Variants in SUPT20H observed in about 807,000 individuals in gnomAD.
The protein encoded by SUPT20H is SPT20 homolog, SAGA complex component, also known as transcription factor SPT20 homolog.
A neutral mutation model predicts 122.8 loss-of-function variants in SUPT20H; 82 were observed. The ratio of observed to expected loss-of-function variants is 0.67; its 90% confidence interval spans 0.56 to 0.80. The LOEUF (loss-of-function observed/expected upper bound fraction) is 0.80. Among genes scored for constraint, SUPT20H ranks in the 30% least tolerant of loss-of-function variants. The probability of loss-of-function intolerance (pLI) is 0.00; values close to 1 mark genes in which losing one functional copy is unlikely to be tolerated. For synonymous variants in SUPT20H, 291 were observed against 313.0 expected, an observed-to-expected ratio of 0.93 and a Z score of 0.74; for missense variants, 831 against 921.6, an observed-to-expected ratio of 0.90 and a Z score of 1.27.
chr13:37,013,634 C>G (rs1336433674), intron 23 of SUPT20H: 1 of 152,002 alleles, frequency 6.6e-6, no homozygotes, highest in South Asian at 2.1e-4. Context: ...ATACTGTTAA[C>G]TTGGACTTCA....
intron 12 of SUPT20H, among the ~76,000 whole-genome samples, chr13:37,030,644 G>C (rs1035208417): frequency 5.3e-5 from 8 of 152,152 alleles, no homozygotes; most frequent in African/African-American, 1.9e-4. Flanking sequence ...TAGCACCTCA[G>C]ACTTGCTGAG....
chr13:37,040,303 T>G, intron 9 of SUPT20H, 102 bp downstream of exon 9: 1 of 1,065,380 alleles, frequency 9.4e-7, no homozygotes, highest in Non-Finnish European at 1.3e-6. Context: ...GCATCAAACT[T>G]AATTATTGAA....
chr13:37,029,279 A>G (rs942300214), intron 13 of SUPT20H, among the ~76,000 whole-genome samples: 9 of 152,362 alleles, frequency 5.9e-5, no homozygotes, highest in African/African-American at 2.2e-4. Flanking sequence ...CTGTAATCCC[A>G]GTACTTTGGG....
intron 1 of SUPT20H, among the ~76,000 whole-genome samples, chr13:37,052,643 C>A (rs1342438227): frequency 2.6e-5 from 4 of 152,158 alleles, no homozygotes; most frequent in Non-Finnish European, 5.9e-5. Flanking sequence ...ATGACTAAAG[C>A]ACCAAAAGCA....
chr13:37,057,874 TGAGGCAA>T (rs1375087253), intron 1 of SUPT20H, among the ~76,000 whole-genome samples: 3 of 149,336 alleles, frequency 2.0e-5, no homozygotes, highest in Non-Finnish European at 4.4e-5. Flanking sequence ...CTCAGGAGGC[TGAGGCAA>T]GAGAATCACT....
intron 2 of SUPT20H, among the ~76,000 whole-genome samples, chr13:37,050,243 A>G (rs929794236): frequency 5.3e-5 from 8 of 149,864 alleles, no homozygotes; most frequent in Non-Finnish European, 3.0e-5. Context: ...AATCTTGGCC[A>G]GGCACTGTGG....
chr13:37,044,131 A>C lies in SUPT20H; in HGVS notation c.343T>G (p.Leu115Val). ...PYEEGELLEY[L>V]DAEELPPILV... The stretch of plus-strand genomic sequence containing the variant: ...ATAGGAGGTAATTCTTCTGCATCCA[A>C]ATATTCAAGCAACTCTCCTTCTTCA... Residue 115 changes from leucine (L) to valine (V), a missense_variant, in exon 7 of 26, where the codon TTG (leucine) becomes GTG (valine). Coordinates refer to ENST00000350612, the MANE Select transcript of SUPT20H (RefSeq NM_001014286.3). 6.2e-7 allele frequency: 1 copy of C among 1,613,214 alleles called. No individual in the cohort carries two copies. Among genetic ancestry groups the C allele is most frequent in the Admixed American group, 1.7e-5 (1 of 59,972 alleles).
chr13:37,022,190 G>A lies in SUPT20H; in HGVS notation c.1592-110C>T. ...ACTGAGTTAACAAAGTGGGCTGAGGGGTGAAGCCTGAATCTTGGGGAGTAG... is the reference window on the plus strand; with the variant it reads ...ACTGAGTTAACAAAGTGGGCTGAGGAGTGAAGCCTGAATCTTGGGGAGTAG... On this transcript the variant is annotated intron_variant, in intron 19 of 25. Coordinates refer to ENST00000350612, the MANE Select transcript of SUPT20H (RefSeq NM_001014286.3). This position sits in a 1 kb window ranked among gnomAD's most constrained non-coding sequence, Gnocchi z 4.5. The A allele has an allele frequency of 6.2e-7, 1 of 1,608,126 alleles. No individual in the cohort carries two copies. Among genetic ancestry groups the A allele is most frequent in the Non-Finnish European group, 8.5e-7 (1 of 1,176,912 alleles).
At chr13:37,052,666 G>A (rs1217920787) in intron 1 of SUPT20H, among the ~76,000 whole-genome samples, 1 of 152,122 alleles carries the variant, frequency 6.6e-6, no homozygotes, top group Non-Finnish European at 1.5e-5. Flanking sequence ...TGCAACAAAA[G>A]CCAAAATTGA....
intron 24 of SUPT20H, among the ~76,000 whole-genome samples, chr13:37,011,567 TTAAG>T (rs2059636178): frequency 6.6e-6 from 1 of 152,180 alleles, no homozygotes; most frequent in African/African-American, 2.4e-5. Context: ...ACTCTTTTAA[TTAAG>T]TGTGAAGTTA....
chr13:37,045,265 T>C lies in SUPT20H; in HGVS notation c.274A>G (p.Arg92Gly). Reference sequence around the variant, plus strand: ...GTCTTACCTGATCCGTTTTTTCCCCTGAGCATCAGAGAATATCCCTCATTT... The same window carrying C: ...GTCTTACCTGATCCGTTTTTTCCCCCGAGCATCAGAGAATATCCCTCATTT... Reference protein sequence around the residue: ...PGNEGYSLMLRGKNGSDSETI... With the variant: ...PGNEGYSLMLGGKNGSDSETI... The change falls in exon 6 of 26, where the codon AGG becomes GGG. Residue 92 changes from arginine to glycine, a missense_variant. Arg to Gly is a moderately radical substitution (Grantham distance 125, BLOSUM62 -2). Transcript: ENST00000350612. The C allele has an allele frequency of 1.2e-6, 2 of 1,613,690 alleles. No homozygotes were observed. The highest frequency in any genetic ancestry group is 1.7e-6 in the Non-Finnish European group (2 of 1,179,734).
intron 22 of SUPT20H, among the ~76,000 whole-genome samples, 167 bp downstream of exon 22, chr13:37,019,175 C>G (rs1460582304): frequency 6.6e-6 from 1 of 152,158 alleles, no homozygotes; most frequent in Non-Finnish European, 1.5e-5. Flanking sequence ...GATACTGATT[C>G]TTTCTCTTTA....
Position 37,022,121 on chromosome 13 carries a change from T to C in SUPT20H, c.1592-41A>G. 1.2e-6 allele frequency: 2 copies of C among 1,614,132 alleles called. No homozygotes were observed. The highest frequency in any genetic ancestry group is 1.1e-5 in the South Asian group (1 of 91,084). ...TTACCATGGTGGAAAGAGGAATGGT[T>C]GTTACAGGCATTGCCTGGCTCAGAG... On this transcript the variant is annotated intron_variant, in intron 19 of 25. Transcript: ENST00000350612. The surrounding 1 kb of genome is among the most constrained non-coding windows in gnomAD (Gnocchi z 4.5).
At position 37,021,574 on chromosome 13, in the gene SUPT20H, T is replaced by C. The variant is rs769272648; in HGVS notation, c.1690A>G (p.Asn564Asp). Residue 564 changes from asparagine to aspartate, a missense_variant, in exon 21 of 26, where the codon AAC (asparagine) becomes GAC (aspartate). By Grantham distance (23) the Asn-to-Asp change is conservative. Coordinates refer to ENST00000350612, the MANE Select transcript of SUPT20H (RefSeq NM_001014286.3). ...CGAQALMSGS[N>D]PMLGCNTGAI... The stretch of plus-strand genomic sequence containing the variant: ...CCAGTGTTACAGCCCAGCATGGGGT[T>C]TGAACCACTCATCAAAGCCTGGGCC... The C allele has an allele frequency of 2.5e-6, 4 of 1,613,282 alleles. No homozygotes were observed. Among genetic ancestry groups the C allele is most frequent in the Admixed American group, 3.3e-5 (2 of 59,928 alleles).
intron 1 of SUPT20H, among the ~76,000 whole-genome samples, chr13:37,057,295 A>G (rs2069306639): frequency 6.9e-6 from 1 of 144,900 alleles, no homozygotes; most frequent in South Asian, 2.2e-4. Context: ...ACCCTGTCTC[A>G]AAAAAAAAAA....
At chr13:37,040,746 G>C in intron 7 of SUPT20H, 54 bp from the exon 8 acceptor site, 10 of 1,383,132 alleles carry the variant, frequency 7.2e-6, no homozygotes, top group Non-Finnish European at 1.0e-5. Flanking sequence ...GCCTAAATAA[G>C]TGGGTTTATA....
chr13:37,032,330 G>C (rs1309412647), intron 10 of SUPT20H, among the ~76,000 whole-genome samples: 1 of 151,986 alleles, frequency 6.6e-6, no homozygotes, highest in Non-Finnish European at 1.5e-5. Context: ...GGAGTGAAGG[G>C]GATAACTTCC....
At chr13:37,021,874 C>T (rs994431960) in intron 20 of SUPT20H, 137 bp downstream of exon 20, 19 of 1,047,142 alleles carry the variant, frequency 1.8e-5, no homozygotes, top group Non-Finnish European at 1.9e-5. Flanking sequence ...GGTCAGGCAG[C>T]TTCTGTCCAT....
intron 9 of SUPT20H, chr13:37,038,613 T>C (rs1246118681): frequency 1.3e-5 from 2 of 152,262 alleles, no homozygotes; most frequent in Admixed American, 6.5e-5. Context: ...ATTACTGATA[T>C]TTTCTTTTGA....
Sources: allele counts gnomAD v4.1 joint callset (sites outside exome capture counted in the v4.1 genomes callset), GRCh38; gene constraint gnomAD v4.1.1; non-coding constraint Gnocchi (gnomAD v3.1); transcripts MANE v1.5; gene names NCBI Gene and HGNC (gene_info 2026-07-23, HGNC 2026-07-21).